RCSD1: variants seen among roughly 807,000 people sequenced by gnomAD.
RCSD1 encodes capZ-interacting protein.
RCSD1 carries 26 observed loss-of-function variants against 42.5 expected under a neutral mutation model. The ratio of observed to expected loss-of-function variants is 0.61; its 90% CI spans 0.45 to 0.85. The LOEUF (loss-of-function observed/expected upper bound fraction) is 0.85, where lower values mean the gene tolerates loss of function less well. RCSD1 is among the 40% of genes least tolerant of loss of function. The pLI is 0.00. For missense variants in RCSD1, 571 were observed against 528.3 expected (o/e 1.08, Z -0.79); for synonymous variants, 220 against 212.2 (o/e 1.04, Z -0.32).
rs1179652774 is a variant in RCSD1 at position 167,697,368 on chromosome 1, G to A, written c.744G>A (p.Lys248=). 6.2e-7 allele frequency: 1 copy of A among 1,614,000 alleles called. No homozygotes were observed. The highest frequency in any genetic ancestry group is 2.2e-5 in the East Asian group (1 of 44,852). ...PLRRSPSRTE[K]QEEDRATEEA... ...GGAGGTCACCCAGCAGGACAGAGAAGCAGGAGGAGGACAGGGCCACAGAGG... is the reference window on the plus strand; with the variant it reads ...GGAGGTCACCCAGCAGGACAGAGAAACAGGAGGAGGACAGGGCCACAGAGG... The change falls in exon 6 of 7, where the codon AAG becomes AAA. Residue 248 remains lysine, a synonymous_variant. Coordinates refer to ENST00000367854, the MANE Select transcript of RCSD1 (RefSeq NM_052862.4).
chr1:167,652,492 G>A (rs975691567), intron 1 of RCSD1, among the ~76,000 whole-genome samples: 2 of 152,196 alleles, frequency 1.3e-5, no homozygotes, highest in African/African-American at 4.8e-5. Context: ...GCAGTTGTCA[G>A]GCTGGAAACA....
At chr1:167,660,367 G>A (rs1658512973) in intron 1 of RCSD1, among the ~76,000 whole-genome samples, 1 of 151,848 alleles carries the variant, frequency 6.6e-6, no homozygotes, top group African/African-American at 2.4e-5. Context: ...CTCCTTCCTG[G>A]GCCCATAGCC....
chr1:167,706,251 A>G lies in RCSD1; in HGVS notation c.*1555A>G, dbSNP rs191764428. 2.6e-5 allele frequency: 4 copies of G among 152,232 alleles called. No homozygotes were observed. 9.4% of individuals were successfully genotyped at this position (152,232 alleles called of 1,614,324 possible). A position where few individuals can be genotyped will look rare whatever the true frequency, so the allele number is the denominator to read the frequency against. On this transcript the variant is annotated 3_prime_UTR_variant, in exon 7 of 7. Transcript: ENST00000367854. Reference sequence around the variant, plus strand: ...TTTGGATATTAGCAGAATTTGGGAGATGTGTGTGTCAATTATTTTGAGATC... The same window carrying G: ...TTTGGATATTAGCAGAATTTGGGAGGTGTGTGTGTCAATTATTTTGAGATC...
chr1:167,630,532 C>T (rs946142777), intron 1 of RCSD1, 103 bp downstream of exon 1: 3 of 1,244,156 alleles, frequency 2.4e-6, no homozygotes, highest in Middle Eastern at 4.0e-4. Context: ...GCACGCGGCT[C>T]ATCGCTGCTG....
Position 167,697,372 on chromosome 1 carries a change from G to A in RCSD1, c.748G>A (p.Glu250Lys). The A allele has an allele frequency of 6.2e-7, 1 of 1,613,968 alleles. No individual in the cohort carries two copies. The highest frequency in any genetic ancestry group is 8.5e-7 in the Non-Finnish European group (1 of 1,179,942). Residue 250 changes from glutamate to lysine, a missense_variant, in exon 6 of 7, where the codon GAG (glutamate) becomes AAG (lysine). Transcript: ENST00000367854. Reference sequence around the variant, plus strand: ...GTCACCCAGCAGGACAGAGAAGCAGGAGGAGGACAGGGCCACAGAGGAAGC... The same window carrying A: ...GTCACCCAGCAGGACAGAGAAGCAGAAGGAGGACAGGGCCACAGAGGAAGC... ...RRSPSRTEKQ[E>K]EDRATEEAKN...
intron 1 of RCSD1, among the ~76,000 whole-genome samples, chr1:167,653,434 A>G (rs576943637): frequency 6.6e-6 from 1 of 152,200 alleles, no homozygotes; most frequent in Non-Finnish European, 1.5e-5. Context: ...TAAAATTTCA[A>G]CACCTGAGGA....
chr1:167,694,986 T>A (rs1659462070), intron 5 of RCSD1, among the ~76,000 whole-genome samples: 1 of 151,856 alleles, frequency 6.6e-6, no homozygotes, highest in Admixed American at 6.6e-5. Flanking sequence ...CTTCTTGGGG[T>A]CTGGTGCCAG....
chr1:167,630,488 T>G, intron 1 of RCSD1, 59 bp downstream of exon 1: 2 of 1,478,324 alleles, frequency 1.4e-6, no homozygotes, highest in Non-Finnish European at 9.0e-7. Flanking sequence ...CGGGCGCCCC[T>G]TCCCCGGGCG....
At chr1:167,653,333 C>A (rs1372521263) in intron 1 of RCSD1, among the ~76,000 whole-genome samples, 6 of 152,172 alleles carry the variant, frequency 3.9e-5, no homozygotes, top group Non-Finnish European at 8.8e-5. Context: ...AAGCTTCTAC[C>A]CTGGCAGCCC....
At chr1:167,639,301 A>G (rs1335771141) in intron 1 of RCSD1, among the ~76,000 whole-genome samples, 2 of 152,160 alleles carry the variant, frequency 1.3e-5, no homozygotes, top group Admixed American at 6.6e-5. Flanking sequence ...GACGCCTTTG[A>G]CCCGCATGTT....
intron 6 of RCSD1, among the ~76,000 whole-genome samples, chr1:167,701,304 C>CTT (rs1329288951): frequency 1.4e-5 from 2 of 144,484 alleles, no homozygotes; most frequent in African/African-American, 2.7e-5. Flanking sequence ...TTCTTTCTTT[C>CTT]TTTCTTTCTT....
At chr1:167,670,442 G>A (rs188330101) in intron 1 of RCSD1, among the ~76,000 whole-genome samples, 1 of 151,528 alleles carries the variant, frequency 6.6e-6, no homozygotes, top group Admixed American at 6.6e-5. Context: ...GCCCCTGCAT[G>A]CCTGCTGGTG....
At chr1:167,665,023 G>A (rs527915167) in intron 1 of RCSD1, 1 of 147,754 alleles carries the variant, frequency 6.8e-6, no homozygotes, top group African/African-American at 2.5e-5. Context: ...GGGTGATGAA[G>A]TGAGACTCTG....
At chr1:167,666,585 C>A (rs74548778) in intron 1 of RCSD1, among the ~76,000 whole-genome samples, 1 of 152,068 alleles carries the variant, frequency 6.6e-6, no homozygotes, top group Non-Finnish European at 1.5e-5. Flanking sequence ...GGGACCATGA[C>A]GGAAAGCCCT....
At chr1:167,677,227 G>T (rs537853388) in intron 1 of RCSD1, among the ~76,000 whole-genome samples, 1 of 152,150 alleles carries the variant, frequency 6.6e-6, no homozygotes, top group African/African-American at 2.4e-5. Flanking sequence ...GGGCCGTCAC[G>T]GTTACCCCAA....
intron 3 of RCSD1, 82 bp from the exon 4 acceptor site, chr1:167,689,967 T>C: frequency 1.5e-6 from 2 of 1,326,248 alleles, no homozygotes; most frequent in African/African-American, 2.9e-5. Flanking sequence ...CTTCTCCTTC[T>C]GCCTGTGGCT....
intron 1 of RCSD1, among the ~76,000 whole-genome samples, chr1:167,665,319 G>A (rs1450991607): frequency 6.6e-6 from 1 of 151,844 alleles, no homozygotes; most frequent in Non-Finnish European, 1.5e-5. Context: ...TTGCTGAATA[G>A]TATTCCATAA....
rs180714700 is a variant in RCSD1 at position 167,707,102 on chromosome 1, A to C, written c.*2406A>C. 6.6e-6 allele frequency among the ~76,000 whole-genome samples: 1 copy of C among 152,300 alleles called. No homozygotes were observed. The highest frequency in any genetic ancestry group is 1.9e-4 in the East Asian group (1 of 5,186). On this transcript the variant is annotated 3_prime_UTR_variant, in exon 7 of 7. Transcript: ENST00000367854. ...CTCCAGAGAGGGAGCAAGAAAAAAA[A>C]CCTGGATGCTTTGAAGGGATCTGCC... is the stretch of plus-strand genomic sequence containing the variant.
At chr1:167,686,738 A>G (rs1659245249) in intron 3 of RCSD1, among the ~76,000 whole-genome samples, 1 of 152,174 alleles carries the variant, frequency 6.6e-6, no homozygotes. Flanking sequence ...ACATACCAAC[A>G]ACCTCTCTTT....
Sources: allele counts gnomAD v4.1 joint callset (sites outside exome capture counted in the v4.1 genomes callset), GRCh38; gene constraint gnomAD v4.1.1; transcripts MANE v1.5; gene names NCBI Gene and HGNC (gene_info 2026-07-23, HGNC 2026-07-21).